Variants in CRACD observed in about 807,000 individuals in gnomAD.
CRACD encodes the protein capping protein-inhibiting regulator of actin dynamics.
CRACD carries 56 observed loss-of-function variants against 106.8 expected under a neutral mutation model. The observed-to-expected ratio is 0.52, with a 90% confidence interval of 0.42 to 0.66. The LOEUF is 0.66. CRACD is among the 30% of genes least tolerant of loss of function. The probability of loss-of-function intolerance (pLI) is 0.00; values close to 1 mark genes in which losing one functional copy is unlikely to be tolerated. For synonymous variants in CRACD, 754 were observed against 670.8 expected (o/e 1.12, Z -1.92); for missense variants, 1,730 against 1,623.2 (o/e 1.07, Z -1.13).
chr4:56,179,224 G>A (rs1174958291), intron 1 of CRACD, 60 bp from the exon 2 acceptor site: 8 of 151,914 alleles, frequency 5.3e-5, no homozygotes, highest in Admixed American at 5.2e-4. Context: ...TCATTTTAAA[G>A]GCTCCCCAAG....
In CRACD at chr4:56,219,032, TG is replaced by T. The variant is rs60066911; in HGVS notation, c.-189+39607del. ...TGAGATGTTATGAAAGAATCTATAATGGGGGACCTCAGAACTTTCTAACTGG... is the reference window on the plus strand; with the variant it reads ...TGAGATGTTATGAAAGAATCTATAATGGGGACCTCAGAACTTTCTAACTGG... On this transcript the variant is annotated intron_variant, in intron 2 of 10. Transcript: ENST00000682029. Among the ~76,000 whole-genome samples the T allele has an allele frequency of 9.4e-3, 1,429 of 152,268 alleles. 20 individuals carry two copies. The highest frequency in any genetic ancestry group is 0.033 in the African/African-American group (1,369 of 41,544).
At chr4:56,156,693 A>G (rs899754030) in intron 1 of CRACD, among the ~76,000 whole-genome samples, 1 of 152,186 alleles carries the variant, frequency 6.6e-6, no homozygotes, top group Admixed American at 6.5e-5. Flanking sequence ...GCTTAGGTAC[A>G]TGGACTCTAG....
chr4:56,280,569 C>T (rs1031771692), intron 3 of CRACD, among the ~76,000 whole-genome samples: 7 of 152,278 alleles, frequency 4.6e-5, no homozygotes, highest in East Asian at 3.9e-4. Context: ...ACTTGCCATT[C>T]GTTGTATTTC....
chr4:56,163,614 A>G (rs1736035169), intron 1 of CRACD, among the ~76,000 whole-genome samples: 1 of 152,194 alleles, frequency 6.6e-6, no homozygotes, highest in African/African-American at 2.4e-5. Context: ...ATTGCTTTTA[A>G]AATTTTATTT....
chr4:56,271,297 G>T (rs1376739024), intron 2 of CRACD, among the ~76,000 whole-genome samples: 2 of 152,138 alleles, frequency 1.3e-5, no homozygotes, highest in African/African-American at 2.4e-5. Flanking sequence ...GGACTGAAAG[G>T]TATTACCTAA....
At chr4:56,093,900 T>G (rs985677391) in intron 1 of CRACD, among the ~76,000 whole-genome samples, 1 of 152,206 alleles carries the variant, frequency 6.6e-6, no homozygotes, top group African/African-American at 2.4e-5. Flanking sequence ...CAGTAATGTA[T>G]GCACCAGGGC....
At chr4:56,080,597 G>A (rs1252984638) in intron 1 of CRACD, among the ~76,000 whole-genome samples, 1 of 152,216 alleles carries the variant, frequency 6.6e-6, no homozygotes, top group Non-Finnish European at 1.5e-5. Flanking sequence ...GTTAGGCTCG[G>A]ATTATAAACT....
intron 1 of CRACD, among the ~76,000 whole-genome samples, chr4:56,163,125 T>C (rs545301955): frequency 1.3e-5 from 2 of 152,292 alleles, no homozygotes; most frequent in East Asian, 3.9e-4. Context: ...CTTTCAGCCT[T>C]AGGAGATGCC....
intron 1 of CRACD, among the ~76,000 whole-genome samples, chr4:56,063,236 C>T (rs1344862006): frequency 6.6e-6 from 1 of 151,944 alleles, no homozygotes; most frequent in Non-Finnish European, 1.5e-5. Flanking sequence ...CTCTGTTGCC[C>T]AGGCTGGCAT....
chr4:56,177,678 C>A (rs1322901987), intron 1 of CRACD, among the ~76,000 whole-genome samples: 1 of 152,158 alleles, frequency 6.6e-6, no homozygotes, highest in Admixed American at 6.5e-5. Flanking sequence ...CTTTTTATTG[C>A]TACTTCAATC....
intron 2 of CRACD, among the ~76,000 whole-genome samples, chr4:56,239,670 C>T (rs1178541254): frequency 2.0e-5 from 3 of 152,104 alleles, no homozygotes; most frequent in African/African-American, 7.2e-5. Flanking sequence ...AAACAAGTGT[C>T]TAAATCTAGA....
At chr4:56,119,062 C>T (rs891578024) in intron 1 of CRACD, among the ~76,000 whole-genome samples, 3 of 152,144 alleles carry the variant, frequency 2.0e-5, no homozygotes, top group African/African-American at 4.8e-5. Context: ...GAGGATTCAT[C>T]GTCATCAACA....
chr4:56,282,510 C>G (rs1743091209), intron 3 of CRACD, among the ~76,000 whole-genome samples: 1 of 152,170 alleles, frequency 6.6e-6, no homozygotes, highest in Admixed American at 6.5e-5. Flanking sequence ...TAACAGAAAT[C>G]AGAACTACTA....
intron 2 of CRACD, among the ~76,000 whole-genome samples, chr4:56,214,948 C>T (rs1303125310): frequency 1.2e-4 from 18 of 148,006 alleles, no homozygotes; most frequent in East Asian, 8.2e-4. Flanking sequence ...TGGAGTGAGC[C>T]GAGATCGCAC....
chr4:56,244,987 T>C (rs547727416), intron 2 of CRACD, among the ~76,000 whole-genome samples: 82 of 152,350 alleles, frequency 5.4e-4, no homozygotes, highest in African/African-American at 1.9e-3. Flanking sequence ...CTGCATTTTC[T>C]CACCTTCATT....
chr4:56,182,513 G>A (rs1265728621), intron 2 of CRACD, among the ~76,000 whole-genome samples: 1 of 152,096 alleles, frequency 6.6e-6, no homozygotes, highest in South Asian at 2.1e-4. Context: ...GCTGAGGTGG[G>A]AGGATCGTCA....
chr4:56,076,371 AG>A (rs1201577849), intron 1 of CRACD, among the ~76,000 whole-genome samples: 2 of 152,214 alleles, frequency 1.3e-5, no homozygotes, highest in African/African-American at 4.8e-5. Context: ...TATAGAAAAA[AG>A]GCTGAGGAGC....
intron 8 of CRACD, among the ~76,000 whole-genome samples, chr4:56,323,062 A>G (rs1746205327): frequency 6.6e-6 from 1 of 152,278 alleles, no homozygotes; most frequent in South Asian, 2.1e-4. Flanking sequence ...AAAAAGAACA[A>G]CGAACCAAAT....
chr4:56,064,750 G>C (rs960420170), intron 1 of CRACD, among the ~76,000 whole-genome samples: 1 of 151,792 alleles, frequency 6.6e-6, no homozygotes, highest in South Asian at 2.1e-4. Context: ...GTGTAGCTTC[G>C]AGTCTCTACC....
Sources: gnomAD v4.1 joint callset for allele counts (sites outside exome capture counted in the v4.1 genomes callset) on GRCh38, gnomAD v4.1.1 for gene constraint, MANE v1.5 for transcripts, NCBI Gene and HGNC (gene_info 2026-07-23, HGNC 2026-07-21) for gene names.